Variants in ATG5 observed in about 807,000 individuals in gnomAD.
ATG5 encodes autophagy related 5.
In ATG5, 14 loss-of-function variants were observed where a neutral mutation model predicts 36.5. The ratio of observed to expected loss-of-function variants is 0.38; its 90% CI spans 0.25 to 0.60. The LOEUF (loss-of-function observed/expected upper bound fraction) is 0.60. ATG5 is among the 20% of genes least tolerant of loss of function. The pLI, the probability that ATG5 is intolerant of heterozygous loss-of-function variation, is 0.60. For synonymous variants in ATG5, 95 were observed against 101.5 expected (o/e 0.94, Z 0.38); for missense variants, 195 against 326.7 (o/e 0.60, Z 3.11).
At chr6:106,297,722 ACACACAC>A (rs1246373647) in intron 3 of ATG5, among the ~76,000 whole-genome samples, 30 of 84,436 alleles carry the variant, frequency 3.6e-4, no homozygotes, top group African/African-American at 2.4e-3. Context: ...ACTTAAACAC[ACACACAC>A]ACACACACAC....
At chr6:106,312,623 TACACACACACACACACACACAC>T (rs144983689) in intron 2 of ATG5, among the ~76,000 whole-genome samples, 3 of 144,402 alleles carry the variant, frequency 2.1e-5, no homozygotes, top group Non-Finnish European at 4.6e-5. Context: ...CAAAAAAGAC[TACACACACACACACACACACAC>T]ACACACACAC....
At chr6:106,240,857 A>C (rs1046429295) in intron 6 of ATG5, among the ~76,000 whole-genome samples, 8 of 150,970 alleles carry the variant, frequency 5.3e-5, no homozygotes, top group Non-Finnish European at 1.2e-4. Flanking sequence ...CAGCCATTAA[A>C]AAAGAATAAA....
intron 3 of ATG5, among the ~76,000 whole-genome samples, chr6:106,295,056 AT>A (rs57374154): frequency 0.17 from 26,077 of 151,584 alleles, 2,452 homozygotes; most frequent in Non-Finnish European, 0.21. Flanking sequence ...TTAAAAAAAA[AT>A]ATACATACAC....
chr6:106,320,888 A>G (rs1771040989), intron 1 of ATG5, among the ~76,000 whole-genome samples: 1 of 152,186 alleles, frequency 6.6e-6, no homozygotes, highest in Non-Finnish European at 1.5e-5. Context: ...TGAGTCAGAG[A>G]GGCTAGCCAG....
chr6:106,235,259 G>A (rs564149799), intron 6 of ATG5, among the ~76,000 whole-genome samples: 16 of 152,182 alleles, frequency 1.1e-4, no homozygotes, highest in African/African-American at 3.4e-4. Flanking sequence ...GCTACAAATC[G>A]TTCTTCAAAT....
intron 7 of ATG5, 139 bp from the exon 8 acceptor site, chr6:106,186,815 G>T: frequency 1.0e-6 from 1 of 993,500 alleles, no homozygotes; most frequent in Non-Finnish European, 1.5e-6. Flanking sequence ...TGTGGACATG[G>T]AGAAAGTTCA....
intron 7 of ATG5, among the ~76,000 whole-genome samples, chr6:106,186,940 T>G (rs532890679): frequency 1.3e-5 from 2 of 152,338 alleles, no homozygotes; most frequent in South Asian, 4.1e-4. Flanking sequence ...TGTGCTTACT[T>G]AAGATTGACG....
chr6:106,269,317 GT>G (rs1779349633), intron 5 of ATG5, among the ~76,000 whole-genome samples: 1 of 152,224 alleles, frequency 6.6e-6, no homozygotes, highest in African/African-American at 2.4e-5. Context: ...AGACATAAAG[GT>G]TCTCCACGTC....
At chr6:106,245,686 T>C (rs1778304782) in intron 6 of ATG5, among the ~76,000 whole-genome samples, 1 of 152,106 alleles carries the variant, frequency 6.6e-6, no homozygotes, top group South Asian at 2.1e-4. Flanking sequence ...AAATAAATAT[T>C]TCAGTAAAAA....
intron 4 of ATG5, among the ~76,000 whole-genome samples, chr6:106,281,710 T>A (rs1405453143): frequency 6.6e-6 from 1 of 152,188 alleles, no homozygotes; most frequent in Admixed American, 6.5e-5. Context: ...AAATGCTGGG[T>A]CATAGAGTAA....
chr6:106,211,539 T>C (rs1401567287), intron 6 of ATG5, among the ~76,000 whole-genome samples: 2 of 152,018 alleles, frequency 1.3e-5, no homozygotes, highest in Non-Finnish European at 2.9e-5. Flanking sequence ...CGAAACCTCA[T>C]CTCTACTAAA....
At position 106,308,437 on chromosome 6, in the gene ATG5, G is replaced by T. The variant is rs1770530937; in HGVS notation, c.163C>A (p.His55Asn). ...LTLVTDKVKK[H>N]FQKVMRQEDI... is the part of the protein sequence containing the mutation. The stretch of plus-strand genomic sequence containing the variant: ...TCTTGTCTCATAACCTTCTGAAAGT[G>T]CTTTTTCACTTTGTCAGTTACCAAC... The change falls in exon 3 of 8, where the codon CAC becomes AAC. Residue 55 changes from histidine (H) to asparagine (N), a missense_variant. By Grantham distance (68) the His-to-Asn change is moderately conservative. Transcript: ENST00000369076. 2 of 1,599,304 alleles carry T rather than the reference G, an allele frequency of 1.3e-6. No homozygotes were observed. Among genetic ancestry groups the T allele is most frequent in the Non-Finnish European group, 1.7e-6 (2 of 1,173,496 alleles).
chr6:106,229,558 GT>G (rs1289229584), intron 6 of ATG5, among the ~76,000 whole-genome samples: 1 of 149,418 alleles, frequency 6.7e-6, no homozygotes, highest in African/African-American at 2.5e-5. Context: ...GATAGAAATA[GT>G]AAAAAAAAAC....
intron 6 of ATG5, among the ~76,000 whole-genome samples, chr6:106,228,173 GCT>G (rs1777519637): frequency 6.6e-6 from 1 of 152,172 alleles, no homozygotes; most frequent in Admixed American, 6.5e-5. Flanking sequence ...TTGTATGGGA[GCT>G]CTGTTTTCAC....
rs567771405 is a variant in ATG5 at position 106,269,783 on chromosome 6, TCTCCCTCCACAC to T, written c.478+9866_478+9877del. Among the ~76,000 whole-genome samples the T allele has an allele frequency of 2.3e-3, 351 of 152,136 alleles. 1 individual carries two copies. Among genetic ancestry groups the T allele is most frequent in the African/African-American group, 8.1e-3 (336 of 41,478 alleles). ...CACATCCCCGGTTCCCGCTCGCGCC[TCTCCCTCCACAC>T]CTCCCTGCATGCTGAGGGAGCCGGC... On this transcript the variant is annotated intron_variant, in intron 5 of 7. Transcript: ENST00000369076.
chr6:106,264,343 T>C (rs566183474), intron 5 of ATG5, among the ~76,000 whole-genome samples: 3 of 152,198 alleles, frequency 2.0e-5, no homozygotes, highest in Admixed American at 6.5e-5. Context: ...TATGGGACTA[T>C]GTGAAAAGAC....
At position 106,285,084 on chromosome 6, in the gene ATG5, G is replaced by A. The variant is rs116814871; in HGVS notation, c.316-5261C>T. Among the ~76,000 whole-genome samples the A allele has an allele frequency of 7.4e-3, 1,132 of 152,150 alleles. 15 individuals carry two copies. The highest frequency in any genetic ancestry group is 0.026 in the African/African-American group (1,071 of 41,496). ...CAGACTGCCTGATATTATCCCAGAG[G>A]CTCTGTTTTTCCTCTATACCAATTT... On this transcript the variant is annotated intron_variant, in intron 4 of 7. Coordinates refer to ENST00000369076, the MANE Select transcript of ATG5 (RefSeq NM_004849.4).
intron 6 of ATG5, among the ~76,000 whole-genome samples, chr6:106,229,991 T>A (rs1022538389): frequency 6.6e-6 from 1 of 152,188 alleles, no homozygotes; most frequent in African/African-American, 2.4e-5. Flanking sequence ...CCCTTAACCC[T>A]GCAGATTTCC....
intron 6 of ATG5, among the ~76,000 whole-genome samples, chr6:106,228,219 C>T (rs552842236): frequency 1.8e-3 from 280 of 152,284 alleles, no homozygotes; most frequent in African/African-American, 6.3e-3. Context: ...TCTTCTGGTC[C>T]GTGTTTGTTA....
Sources: allele counts gnomAD v4.1 joint callset (sites outside exome capture counted in the v4.1 genomes callset), GRCh38; gene constraint gnomAD v4.1.1; transcripts MANE v1.5; gene names NCBI Gene and HGNC (gene_info 2026-07-23, HGNC 2026-07-21).